Variants in ASTN2 observed in about 807,000 individuals in gnomAD.
The protein encoded by ASTN2 is astrotactin 2, also known as astrotactin-2.
In ASTN2, 54 loss-of-function variants were observed where a neutral mutation model predicts 139.8. That is an observed-to-expected ratio of 0.39 (90% confidence interval 0.31 to 0.48). The LOEUF (loss-of-function observed/expected upper bound fraction) is 0.48, where lower values mean the gene tolerates loss of function less well. Ranked by LOEUF, ASTN2 falls within the 20% of genes least tolerant of loss-of-function variation. ASTN2 has a pLI of 0.95. For missense variants in ASTN2, 1,565 were observed against 1,725.1 expected (o/e 0.91, Z 1.64); for synonymous variants, 756 against 719.5 (o/e 1.05, Z -0.81).
chr9:117,007,144 C>A (rs1220108077), intron 7 of ASTN2, among the ~76,000 whole-genome samples: 1 of 152,114 alleles, frequency 6.6e-6, no homozygotes, highest in African/African-American at 2.4e-5. Context: ...ATTCTCCCAT[C>A]TTGAGGTGTG....
At chr9:117,299,574 G>A (rs1337611822) in intron 1 of ASTN2, among the ~76,000 whole-genome samples, 2 of 152,128 alleles carry the variant, frequency 1.3e-5, no homozygotes, top group Non-Finnish European at 2.9e-5. Flanking sequence ...ATGTACAAAG[G>A]GATACAGTGG....
chr9:116,489,046 T>G (rs1449050198), intron 19 of ASTN2, among the ~76,000 whole-genome samples: 1 of 152,200 alleles, frequency 6.6e-6, no homozygotes, highest in Non-Finnish European at 1.5e-5. Flanking sequence ...CTTTTCTTCA[T>G]GCCTGATAGA....
At chr9:117,007,727 G>C (rs1170127388) in intron 7 of ASTN2, among the ~76,000 whole-genome samples, 2 of 152,150 alleles carry the variant, frequency 1.3e-5, no homozygotes, top group African/African-American at 2.4e-5. Context: ...TTGTGGGTTG[G>C]TGCTATTTTC....
At chr9:116,881,931 T>A (rs1307170510) in intron 10 of ASTN2, among the ~76,000 whole-genome samples, 1 of 125,946 alleles carries the variant, frequency 7.9e-6, no homozygotes. Context: ...ACTTAATGAA[T>A]GGAGTTTTTA....
chr9:116,984,992 G>A (rs538954261), intron 7 of ASTN2, among the ~76,000 whole-genome samples: 3 of 152,164 alleles, frequency 2.0e-5, no homozygotes, highest in Admixed American at 1.3e-4. Flanking sequence ...CATGATTCGC[G>A]TGAAATAACA....
At position 116,772,362 on chromosome 9, in the gene ASTN2, G is replaced by A. The variant is rs575535858; in HGVS notation, c.2396+33270C>T. 2.3e-3 allele frequency among the ~76,000 whole-genome samples: 345 copies of A among 152,266 alleles called. 2 individuals are homozygous for A. The highest frequency in any genetic ancestry group is 5.6e-3 in the African/African-American group (233 of 41,552). ...GCAGTTCCCCTGCACACGCTCTCTT[G>A]CCTGCCACCATGTAAGACGTGCCTT... is the stretch of plus-strand genomic sequence containing the variant. On this transcript the variant is annotated intron_variant, in intron 13 of 22. Transcript: ENST00000313400.
At chr9:116,653,038 A>T (rs1330876999) in intron 16 of ASTN2, among the ~76,000 whole-genome samples, 1 of 152,140 alleles carries the variant, frequency 6.6e-6, no homozygotes, top group East Asian at 1.9e-4. Context: ...ATGAGATCTT[A>T]TTTAAGTTCA....
chr9:116,976,866 G>T, intron 7 of ASTN2, 81 bp from the exon 8 acceptor site: 1 of 1,261,638 alleles, frequency 7.9e-7, no homozygotes, highest in Admixed American at 1.9e-5. Context: ...GTTTTCCTAA[G>T]ACATAAAGTG....
At chr9:116,693,148 A>C (rs1260283436) in intron 16 of ASTN2, among the ~76,000 whole-genome samples, 1 of 152,154 alleles carries the variant, frequency 6.6e-6, no homozygotes, top group East Asian at 1.9e-4. Flanking sequence ...TCTGGTTATT[A>C]TTTATTTAGC....
At chr9:116,646,984 C>A (rs185994745) in intron 17 of ASTN2, among the ~76,000 whole-genome samples, 16 of 152,282 alleles carry the variant, frequency 1.1e-4, no homozygotes, top group Admixed American at 2.0e-4. Flanking sequence ...TTTGCTCATT[C>A]TTCAGGTGTT....
intron 10 of ASTN2, among the ~76,000 whole-genome samples, chr9:116,934,927 G>T (rs1243490271): frequency 6.6e-6 from 1 of 152,306 alleles, no homozygotes; most frequent in Admixed American, 6.5e-5. Flanking sequence ...GAGTCAGGTT[G>T]TTACGTGTGT....
At chr9:117,066,390 T>G (rs1212704201) in intron 5 of ASTN2, among the ~76,000 whole-genome samples, 1 of 148,784 alleles carries the variant, frequency 6.7e-6, no homozygotes, top group Non-Finnish European at 1.5e-5. Flanking sequence ...GGTGTATATG[T>G]GCCACATTTT....
intron 19 of ASTN2, among the ~76,000 whole-genome samples, chr9:116,519,739 T>C (rs574293136): frequency 6.2e-4 from 94 of 152,072 alleles, no homozygotes; most frequent in Middle Eastern, 6.8e-3. Flanking sequence ...AAAAGATCAA[T>C]AAAATTGATA....
chr9:116,463,154 G>T (rs1848544202), intron 20 of ASTN2, among the ~76,000 whole-genome samples: 1 of 151,930 alleles, frequency 6.6e-6, no homozygotes, highest in Admixed American at 6.6e-5. Context: ...TTTCTCCATT[G>T]CAACTGCTCT....
intron 16 of ASTN2, among the ~76,000 whole-genome samples, chr9:116,713,584 G>C (rs1588233073): frequency 6.6e-6 from 1 of 152,168 alleles, no homozygotes; most frequent in Non-Finnish European, 1.5e-5. Context: ...AATTGTTGCA[G>C]GGAGAAGAGA....
chr9:117,225,302 T>G (rs1180327416), intron 2 of ASTN2, among the ~76,000 whole-genome samples: 1 of 151,642 alleles, frequency 6.6e-6, no homozygotes, highest in African/African-American at 2.4e-5. Flanking sequence ...CCACTACATG[T>G]CCTCAGGTGG....
At chr9:117,347,088 A>C (rs1829242508) in intron 1 of ASTN2, among the ~76,000 whole-genome samples, 1 of 152,100 alleles carries the variant, frequency 6.6e-6, no homozygotes, top group South Asian at 2.1e-4. Context: ...TATATCTGGC[A>C]CTGGCCGACA....
chr9:117,276,630 G>A (rs1056470471), intron 2 of ASTN2, among the ~76,000 whole-genome samples: 6 of 152,210 alleles, frequency 3.9e-5, no homozygotes, highest in African/African-American at 1.2e-4. Flanking sequence ...TGTCCATGGG[G>A]AAAGCCCGGA....
At chr9:116,784,491 C>T (rs1257878056) in intron 13 of ASTN2, among the ~76,000 whole-genome samples, 1 of 152,192 alleles carries the variant, frequency 6.6e-6, no homozygotes, top group African/African-American at 2.4e-5. Context: ...CTCCATCACA[C>T]ACGCAATGTC....
Sources: allele counts gnomAD v4.1 joint callset (sites outside exome capture counted in the v4.1 genomes callset), GRCh38; gene constraint gnomAD v4.1.1; transcripts MANE v1.5; gene names NCBI Gene and HGNC (gene_info 2026-07-23, HGNC 2026-07-21).